Variants in EPS8L1 observed in about 807,000 individuals in gnomAD.
The protein encoded by EPS8L1 is epidermal growth factor receptor kinase substrate 8-like protein 1.
EPS8L1 carries 101 observed loss-of-function variants against 91.7 expected under a neutral mutation model. That is an observed-to-expected ratio of 1.10 (90% CI 0.94 to 1.30). The LOEUF (loss-of-function observed/expected upper bound fraction) is 1.30. EPS8L1 is among the 50% of genes most tolerant of loss of function. The pLI, the probability that EPS8L1 is intolerant of heterozygous loss-of-function variation, is 0.00. For missense variants in EPS8L1, 1,114 were observed against 1,017.0 expected (o/e 1.10, Z -1.30); for synonymous variants, 506 against 445.3 (o/e 1.14, Z -1.72).
chr19:55,082,380 C>T (rs1427564681), intron 11 of EPS8L1, 31 bp downstream of exon 11: 3 of 1,612,504 alleles, frequency 1.9e-6, no homozygotes, highest in African/African-American at 2.7e-5. Context: ...TCGGGCCCCC[C>T]TGCAGCGGGA....
At chr19:55,077,063 G>C (rs2076146675) in intron 2 of EPS8L1, among the ~76,000 whole-genome samples, 2 of 152,074 alleles carry the variant, frequency 1.3e-5, no homozygotes, top group African/African-American at 2.4e-5. Context: ...ACAGGAGTTT[G>C]GGAAAAAGGG....
In EPS8L1 at chr19:55,078,815, C is replaced by G. The variant is rs181720608; in HGVS notation, c.59-184C>G. 7.6e-3 allele frequency among the ~76,000 whole-genome samples: 109 copies of G among 14,422 alleles called. 10 individuals carry two copies. Among genetic ancestry groups the G allele is most frequent in the African/African-American group, 0.018 (44 of 2,452 alleles). The allele number at this position is 14,422 out of a possible 152,430, so 9.5% of individuals were successfully genotyped here. On this transcript the variant is annotated intron_variant, in intron 3 of 19. Transcript: ENST00000201647. ...GGTCAGAGGGAAGAGGGGCTGGGGG[C>G]CTGGACTCCTGGGTTTGAGGGAGGA...
At chr19:55,086,635 G>GGCCCCCCCCCCCCC in intron 17 of EPS8L1, 79 bp from the exon 18 acceptor site, 12 of 1,307,646 alleles carry the variant, frequency 9.2e-6, no homozygotes, top group Non-Finnish European at 1.1e-5. Flanking sequence ...ACGCTGGAGC[G>GGCCCCCCCCCCCCC]CCCCCCCGCC....
rs200080541 is a variant in EPS8L1, at chr19:55,082,561, C to A, written c.1173C>A (p.Asn391Lys). The A allele has an allele frequency of 6.3e-7, 1 of 1,595,654 alleles. No individual in the cohort carries two copies. Among genetic ancestry groups the A allele is most frequent in the Non-Finnish European group, 8.5e-7 (1 of 1,171,720 alleles). ...GGGACAACGTCACTCCACGTGAAAA[C>A]GAGCTCTGGACCTCGCTGGGGGACT... Reference protein sequence around the residue: ...LLRDNVTPRENELWTSLGDSW... With the variant: ...LLRDNVTPREKELWTSLGDSW... Residue 391 changes from asparagine (N) to lysine (K), a missense_variant, in exon 12 of 20, where the codon AAC (asparagine) becomes AAA (lysine). Coordinates refer to ENST00000201647, the MANE Select transcript of EPS8L1 (RefSeq NM_133180.3).
Position 55,085,828 on chromosome 19 carries a change from C to G in EPS8L1, c.1386-13C>G. The stretch of plus-strand genomic sequence containing the variant: ...GCTGCCTCCTTATCTCCAACCCTCC[C>G]GCTTCTCCTCAGTCACCGAGACTTG... On this transcript the variant is annotated splice_polypyrimidine_tract_variant and intron_variant, in intron 14 of 19. Transcript: ENST00000201647. 1 of 1,609,150 alleles carries G rather than the reference C, an allele frequency of 6.2e-7. No individual in the cohort carries two copies. The highest frequency in any genetic ancestry group is 8.5e-7 in the Non-Finnish European group (1 of 1,176,888).
intron 2 of EPS8L1, among the ~76,000 whole-genome samples, chr19:55,077,567 C>T (rs1392701292): frequency 2.0e-5 from 3 of 150,126 alleles, no homozygotes; most frequent in Non-Finnish European, 4.4e-5. Context: ...CCAGCACCAC[C>T]GCCTGACCTG....
chr19:55,081,046 C>T lies in EPS8L1; in HGVS notation c.513-185C>T, dbSNP rs950476439. ...TCTGCTTCTTTTCTCTGTTCCCTGT[C>T]CAGGCCCTCAGTTTCACTCTAGAGA... On this transcript the variant is annotated intron_variant, in intron 7 of 19. Transcript: ENST00000201647. This position sits in a 1 kb window ranked among gnomAD's most constrained non-coding sequence, Gnocchi z 4.9. 1 of 929,438 alleles carries T rather than the reference C, an allele frequency of 1.1e-6. No individual in the cohort carries two copies. Among genetic ancestry groups the T allele is most frequent in the Admixed American group, 3.0e-5 (1 of 33,770 alleles). 57.6% of individuals were successfully genotyped at this position (929,438 alleles called of 1,614,324 possible). A position where few individuals can be genotyped will look rare whatever the true frequency, so the allele number is the denominator to read the frequency against.
chr19:55,079,746 C>T lies in EPS8L1; in HGVS notation c.174C>T (p.Ala58=), dbSNP rs2076213061. 1 of 1,614,016 alleles carries T rather than the reference C, an allele frequency of 6.2e-7. No homozygotes were observed. Among genetic ancestry groups the T allele is most frequent in the South Asian group, 1.1e-5 (1 of 91,090 alleles). ...ATGGCGTGCATACCGTGGAGGATGC[C>T]TCCAGGAAGTTGGCCGTCATGGATA... ...EDDGVHTVED[A]SRKLAVMDSQ... The change falls in exon 5 of 20, where the codon GCC becomes GCT. Residue 58 remains alanine, a synonymous_variant. Coordinates refer to ENST00000201647, the MANE Select transcript of EPS8L1 (RefSeq NM_133180.3).
chr19:55,086,637 C>CCCCCCCCCCCCCCCCCAAGG, intron 17 of EPS8L1, 77 bp from the exon 18 acceptor site: 2 of 1,374,366 alleles, frequency 1.5e-6, no homozygotes, highest in Non-Finnish European at 2.0e-6. Flanking sequence ...GCTGGAGCGC[C>CCCCCCCCCCCCCCCCCAAGG]CCCCCGCCCC....
At chr19:55,082,226 C>T (rs1369387614) in intron 10 of EPS8L1, 46 bp downstream of exon 10, 1 of 1,597,874 alleles carries the variant, frequency 6.3e-7, no homozygotes, top group African/African-American at 1.3e-5. Context: ...CACGACGAAC[C>T]TGTCCCGTCC....
At position 55,083,807 on chromosome 19, in the gene EPS8L1, A is replaced by T; in HGVS notation, c.1385+163A>T. 1 of 109,668 alleles carries T rather than the reference A, an allele frequency of 9.1e-6. No individual in the cohort carries two copies. Among genetic ancestry groups the T allele is most frequent in the Non-Finnish European group, 1.8e-5 (1 of 57,086 alleles). 6.8% of individuals were successfully genotyped at this position (109,668 alleles called of 1,614,324 possible). On this transcript the variant is annotated intron_variant, in intron 14 of 19. Transcript: ENST00000201647. This position sits in a 1 kb window ranked among gnomAD's most constrained non-coding sequence, Gnocchi z 4.7. Reference sequence around the variant, plus strand: ...ATGGGGCGGGCCGGGGCTGGGAGAGAGGGAGGAGCAGGGTGGGAGGGGGCG... The same window carrying T: ...ATGGGGCGGGCCGGGGCTGGGAGAGTGGGAGGAGCAGGGTGGGAGGGGGCG...
At chr19:55,077,846 C>T (rs1453411084) in intron 2 of EPS8L1, among the ~76,000 whole-genome samples, 3 of 150,996 alleles carry the variant, frequency 2.0e-5, no homozygotes, top group Non-Finnish European at 4.4e-5. Flanking sequence ...CTCTGCCTCC[C>T]AAAGTGCTGG....
rs1394116494 is a variant in EPS8L1 at position 55,081,006 on chromosome 19, C to A, written c.512+152C>A. 22 of 902,122 alleles carry A rather than the reference C, an allele frequency of 2.4e-5. No individual in the cohort carries two copies. The Admixed American group carries it at 6.5e-4, about 26-fold the overall frequency. 55.9% of individuals were successfully genotyped at this position (902,122 alleles called of 1,614,324 possible). Reference sequence around the variant, plus strand: ...TGTCTGTACCTCCCAGACGAGCTGACCCCTTCTCCAGAACTCTGCTTCTTT... The same window carrying A: ...TGTCTGTACCTCCCAGACGAGCTGAACCCTTCTCCAGAACTCTGCTTCTTT... On this transcript the variant is annotated intron_variant, in intron 7 of 19. Coordinates refer to ENST00000201647, the MANE Select transcript of EPS8L1 (RefSeq NM_133180.3). The surrounding 1 kb of genome is among the most constrained non-coding windows in gnomAD (Gnocchi z 4.9).
At chr19:55,082,870 G>A (rs965119560) in intron 12 of EPS8L1, among the ~76,000 whole-genome samples, 1 of 144,668 alleles carries the variant, frequency 6.9e-6, no homozygotes, top group African/African-American at 2.6e-5. Flanking sequence ...GGGGCTAGGG[G>A]CTACGGGGCA....
chr19:55,082,551 C>T lies in EPS8L1; in HGVS notation c.1163C>T (p.Pro388Leu), dbSNP rs1340968140. The change falls in exon 12 of 20, where the codon CCA (proline) becomes CTA (leucine). Residue 388 changes from proline (P) to leucine (L), a missense_variant. Physicochemically the swap from Pro to Leu is moderately conservative, Grantham distance 98. Transcript: ENST00000201647. The stretch of plus-strand genomic sequence containing the variant: ...GCGCTGCTGCGGGACAACGTCACTC[C>T]ACGTGAAAACGAGCTCTGGACCTCG... ...AVALLRDNVT[P>L]RENELWTSLG... 1.2e-6 allele frequency: 2 copies of T among 1,602,750 alleles called. No homozygotes were observed. Among genetic ancestry groups the T allele is most frequent in the Non-Finnish European group, 1.7e-6 (2 of 1,175,364 alleles).
chr19:55,081,253 C>A lies in EPS8L1; in HGVS notation c.535C>A (p.Arg179Ser), dbSNP rs773235252. 2.3e-5 allele frequency: 35 copies of A among 1,507,274 alleles called. No homozygotes were observed. The highest frequency in any genetic ancestry group is 3.0e-5 in the Non-Finnish European group (34 of 1,136,442). 93.4% of individuals were successfully genotyped at this position (1,507,274 alleles called of 1,614,324 possible). The change falls in exon 8 of 20, where the codon CGC (arginine) becomes AGC (serine). Residue 179 changes from arginine (R) to serine (S), a missense_variant. Arg to Ser is a moderately radical substitution (Grantham distance 110, BLOSUM62 -1). Coordinates refer to ENST00000201647, the MANE Select transcript of EPS8L1 (RefSeq NM_133180.3). The surrounding 1 kb of genome is among the most constrained non-coding windows in gnomAD (Gnocchi z 4.9). ...CAGGGCCACGCAGGAGGAGTTGCAG[C>A]GCGACCGCTCGCCCGCCGCTGAGAC... ...ALRATQEELQRDRSPAAETPP... is the reference protein window; with the variant it reads ...ALRATQEELQSDRSPAAETPP...
intron 3 of EPS8L1, 97 bp from the exon 4 acceptor site, chr19:55,078,902 G>A (rs1701911618): frequency 1.6e-6 from 2 of 1,260,310 alleles, no homozygotes; most frequent in Admixed American, 3.5e-5. Flanking sequence ...GGACTCCTAG[G>A]TTTGAGGGAG....
At chr19:55,086,334 G>A in intron 16 of EPS8L1, 58 bp from the exon 17 acceptor site, 8 of 1,605,028 alleles carry the variant, frequency 5.0e-6, no homozygotes, top group Non-Finnish European at 6.8e-6. Context: ...AGAAAGGGGA[G>A]AGGCTGGGAC....
chr19:55,086,965 G>T, intron 18 of EPS8L1, 77 bp downstream of exon 18: 1 of 1,392,810 alleles, frequency 7.2e-7, no homozygotes, highest in East Asian at 2.8e-5. Context: ...GCCGGGAGTC[G>T]GGGGGCGGCA....
Sources: allele counts gnomAD v4.1 joint callset (sites outside exome capture counted in the v4.1 genomes callset), GRCh38; gene constraint gnomAD v4.1.1; non-coding constraint Gnocchi (gnomAD v3.1); transcripts MANE v1.5; gene names NCBI Gene and HGNC (gene_info 2026-07-23, HGNC 2026-07-21).